CDC40: variants seen among roughly 807,000 people sequenced by gnomAD.
CDC40 encodes the protein cell division cycle 40.
In CDC40, 27 loss-of-function variants were observed where a neutral mutation model predicts 80.6. That is an observed-to-expected ratio of 0.33 (90% CI 0.25 to 0.46). The LOEUF (loss-of-function observed/expected upper bound fraction) is 0.46. CDC40 is among the 20% of genes least tolerant of loss of function. The pLI, the probability that CDC40 is intolerant of heterozygous loss-of-function variation, is 1.00. For synonymous variants in CDC40, 221 were observed against 232.6 expected (o/e 0.95, Z 0.45); for missense variants, 486 against 694.1 (o/e 0.70, Z 3.37).
intron 3 of CDC40, among the ~76,000 whole-genome samples, chr6:110,206,308 A>G (rs765433576): frequency 1.6e-4 from 24 of 152,176 alleles, no homozygotes; most frequent in Non-Finnish European, 2.8e-4. Flanking sequence ...TAATAAGTCT[A>G]TCCTCTAGGA....
chr6:110,226,020 T>C (rs1328459938), intron 12 of CDC40, 147 bp from the exon 13 acceptor site: 2 of 584,540 alleles, frequency 3.4e-6, no homozygotes, highest in African/African-American at 3.7e-5. Context: ...GTGATTTTTC[T>C]TCTTCCAGAA....
At chr6:110,220,493 A>G (rs1199711893) in intron 12 of CDC40, among the ~76,000 whole-genome samples, 2 of 123,348 alleles carry the variant, frequency 1.6e-5, no homozygotes, top group Non-Finnish European at 3.2e-5. Flanking sequence ...TGTGCCACCC[A>G]GGCTGCAGTG....
rs754705280 is a variant in CDC40 at position 110,213,080 on chromosome 6, T to C, written c.868-6T>C. ...TCTGGTTGATAACTGTAATACCTTT[T>C]TATAGGGCGTCAGTGCAGTCAGATT... On this transcript the variant is annotated splice_region_variant and splice_polypyrimidine_tract_variant and intron_variant, in intron 7 of 14. Coordinates refer to ENST00000307731, the MANE Select transcript of CDC40 (RefSeq NM_015891.3). The C allele has an allele frequency of 1.9e-6, 3 of 1,588,846 alleles. No individual in the cohort carries two copies. The highest frequency in any genetic ancestry group is 2.6e-6 in the Non-Finnish European group (3 of 1,156,900).
At chr6:110,200,443 C>T (rs1262480225) in intron 2 of CDC40, among the ~76,000 whole-genome samples, 1 of 150,406 alleles carries the variant, frequency 6.6e-6, no homozygotes, top group African/African-American at 2.5e-5. Context: ...GTGGGTCTTA[C>T]AGAGTTCAGA....
Position 110,212,207 on chromosome 6 carries a change from A to G in CDC40, c.802A>G (p.Thr268Ala), listed in dbSNP as rs147439944. 525 of 1,613,868 alleles carry G rather than the reference A, an allele frequency of 3.3e-4. 2 individuals are homozygous for G. In the African/African-American group the frequency reaches 4.9e-3, roughly 15 times the overall value. The change falls in exon 7 of 15, where the codon ACT (threonine) becomes GCT (alanine). Residue 268 changes from threonine (T) to alanine (A), a missense_variant. By Grantham distance (58) the Thr-to-Ala change is moderately conservative. Coordinates refer to ENST00000307731, the MANE Select transcript of CDC40 (RefSeq NM_015891.3). ...PQDVGVNLRS[T>A]MPPEKCYLPK... ...GGATGTTGGTGTTAATCTACGGTCA[A>G]CTATGCCACCTGAGAAGTGTTATCT...
intron 1 of CDC40, among the ~76,000 whole-genome samples, chr6:110,189,963 G>A (rs1164965404): frequency 6.6e-6 from 1 of 152,182 alleles, no homozygotes; most frequent in Admixed American, 6.5e-5. Flanking sequence ...CAAATCCAAT[G>A]ATTGTTGGTC....
At chr6:110,182,099 C>A (rs74436730) in intron 1 of CDC40, among the ~76,000 whole-genome samples, 7,825 of 152,262 alleles carry the variant, frequency 0.051, 224 homozygotes, top group East Asian at 0.12. Flanking sequence ...AATTCAAATC[C>A]TGCCTCCAGC....
chr6:110,203,065 T>C (rs1396095445), intron 3 of CDC40, among the ~76,000 whole-genome samples: 3 of 152,198 alleles, frequency 2.0e-5, no homozygotes, highest in Non-Finnish European at 4.4e-5. Context: ...CGATCTTATT[T>C]ATTAAGTTCA....
At chr6:110,185,241 CTTTTTTTT>C (rs1227694611) in intron 1 of CDC40, among the ~76,000 whole-genome samples, 10 of 124,032 alleles carry the variant, frequency 8.1e-5, no homozygotes, top group Non-Finnish European at 1.3e-4. Context: ...ATCTTTTTTT[CTTTTTTTT>C]TTTTTTTTTT....
chr6:110,209,158 A>G lies in CDC40; in HGVS notation c.565A>G (p.Ile189Val). 6.2e-7 allele frequency: 1 copy of G among 1,608,682 alleles called. No homozygotes were observed. Among genetic ancestry groups the G allele is most frequent in the Non-Finnish European group, 8.5e-7 (1 of 1,175,298 alleles). The change falls in exon 5 of 15, where the codon ATT (isoleucine) becomes GTT (valine). Residue 189 changes from isoleucine to valine, a missense_variant. By Grantham distance (29) the Ile-to-Val change is conservative. This residue lies in a region of CDC40 where 381 missense variants were observed against 492.1 expected (regional missense o/e 0.77). Transcript: ENST00000307731. ...GTTTAAAGAAAATGATGCATCCAAT[A>G]TTGATGGTTTTTTGGGACCATGGGC... ...KKFKENDASN[I>V]DGFLGPWAKY...
At chr6:110,201,467 G>A (rs375238899) in intron 2 of CDC40, 91 bp from the exon 3 acceptor site, 6 of 966,918 alleles carry the variant, frequency 6.2e-6, no homozygotes, top group South Asian at 3.8e-5. Context: ...CCCTTTTTTT[G>A]TACAGTTATT....
intron 12 of CDC40, among the ~76,000 whole-genome samples, chr6:110,225,201 TAATC>T (rs1261867417): frequency 6.6e-6 from 1 of 152,220 alleles, no homozygotes; most frequent in Non-Finnish European, 1.5e-5. Flanking sequence ...ATTTTCCAGT[TAATC>T]AAAGTATTGG....
At chr6:110,198,150 T>C (rs1777442411) in intron 2 of CDC40, among the ~76,000 whole-genome samples, 1 of 150,930 alleles carries the variant, frequency 6.6e-6, no homozygotes, top group South Asian at 2.1e-4. Flanking sequence ...TGATTAGTAA[T>C]GTTGAGTACT....
chr6:110,194,977 A>G (rs11153226), intron 2 of CDC40, among the ~76,000 whole-genome samples: 42,437 of 152,050 alleles, frequency 0.28, 8,572 homozygotes, highest in African/African-American at 0.58. Context: ...TCCTCGGGTT[A>G]GAGAACCTCA....
chr6:110,217,118 A>T (rs1440101220), intron 9 of CDC40, among the ~76,000 whole-genome samples: 3 of 152,182 alleles, frequency 2.0e-5, no homozygotes, highest in African/African-American at 7.2e-5. Flanking sequence ...AAATAAAAAT[A>T]AAAAACCATG....
At chr6:110,215,364 G>A (rs753754671) in intron 9 of CDC40, 33 bp downstream of exon 9, 1 of 1,566,618 alleles carries the variant, frequency 6.4e-7, no homozygotes, top group South Asian at 1.1e-5. Context: ...CATAAATCTG[G>A]GAAGAATTTT....
At chr6:110,209,390 G>A (rs1777604499) in intron 5 of CDC40, 167 bp downstream of exon 5, 1 of 508,872 alleles carries the variant, frequency 2.0e-6, no homozygotes, top group East Asian at 3.3e-5. Context: ...GTTTTTCTTT[G>A]GGATATTTTT....
chr6:110,206,129 A>G (rs76388235), intron 3 of CDC40, among the ~76,000 whole-genome samples: 4,882 of 152,092 alleles, frequency 0.032, 98 homozygotes, highest in Middle Eastern at 0.051. Flanking sequence ...GAAGTTCCCT[A>G]TATTCTGTTT....
In CDC40 at chr6:110,217,935, T is replaced by TA. The variant is rs533158025; in HGVS notation, c.1090+133dup. The TA allele has an allele frequency of 6.5e-4, 346 of 535,690 alleles. 3 individuals carry two copies. The highest frequency in any genetic ancestry group is 6.4e-3 in the African/African-American group (327 of 51,450). The allele number at this position is 535,690 out of a possible 1,614,324, so 33.2% of individuals were successfully genotyped here. A position where few individuals can be genotyped will look rare whatever the true frequency, so the allele number is the denominator to read the frequency against. On this transcript the variant is annotated intron_variant, in intron 10 of 14. Coordinates refer to ENST00000307731, the MANE Select transcript of CDC40 (RefSeq NM_015891.3). ...TCTCATACCATTCACTGTCAGCAAA[T>TA]ATCACAAAATACATTTGTAAGTCGA...
Sources: allele counts gnomAD v4.1 joint callset (sites outside exome capture counted in the v4.1 genomes callset), GRCh38; gene constraint gnomAD v4.1.1; regional missense constraint gnomAD v4.1.1; transcripts MANE v1.5; gene names NCBI Gene and HGNC (gene_info 2026-07-23, HGNC 2026-07-21).